The following KLF12 variants were observed in gnomAD, a reference collection of about 807,000 sequenced individuals.
KLF12 encodes Krueppel-like factor 12.
KLF12 carries 9 observed loss-of-function variants against 37.8 expected under a neutral mutation model. That is an observed-to-expected ratio of 0.24 (90% CI 0.14 to 0.42). The LOEUF (loss-of-function observed/expected upper bound fraction) is 0.42. KLF12 is among the 10% of genes least tolerant of loss of function. The pLI, the probability that KLF12 is intolerant of heterozygous loss-of-function variation, is 1.00. For synonymous variants in KLF12, 208 were observed against 202.1 expected (o/e 1.03, Z -0.25); for missense variants, 411 against 516.0 (o/e 0.80, Z 1.97).
intron 5 of KLF12, among the ~76,000 whole-genome samples, chr13:73,788,434 T>C (rs1035331161): frequency 2.0e-5 from 3 of 152,178 alleles, no homozygotes; most frequent in Non-Finnish European, 2.9e-5. Flanking sequence ...TGATGGCCTA[T>C]AGAAAACAAT....
chr13:73,899,801 A>C (rs1262200694), intron 3 of KLF12, among the ~76,000 whole-genome samples: 1 of 152,014 alleles, frequency 6.6e-6, no homozygotes, highest in Non-Finnish European at 1.5e-5. Context: ...CAAACCCCCA[A>C]ATTCCCTGGT....
chr13:73,813,001 C>T (rs1426), intron 5 of KLF12, 151 bp downstream of exon 5: 573,536 of 757,580 alleles, frequency 0.76, 218,355 homozygotes, highest in Middle Eastern at 0.78. Flanking sequence ...CCCTAATCTC[C>T]CAAAGAGCAT....
intron 1 of KLF12, among the ~76,000 whole-genome samples, chr13:74,089,744 A>AC (rs1328536542): frequency 6.6e-6 from 1 of 151,752 alleles, no homozygotes; most frequent in Admixed American, 6.6e-5. Context: ...GAAAAAAAAA[A>AC]ACATAAATCA....
the KLF12 span, among the ~76,000 whole-genome samples, chr13:74,241,705 C>T: frequency 2.0e-5 from 3 of 152,130 alleles, no homozygotes; most frequent in Non-Finnish European, 2.9e-5. Context: ...TGGGAGTGAC[C>T]CGATTTTCCA....
intron 1 of KLF12, among the ~76,000 whole-genome samples, chr13:74,119,909 C>T (rs34986014): frequency 0.016 from 2,468 of 150,612 alleles, 46 homozygotes; most frequent in Middle Eastern, 0.034. Flanking sequence ...AGTAAAACTG[C>T]TGAAAACCAA....
the KLF12 span, among the ~76,000 whole-genome samples, chr13:74,198,219 G>A: frequency 6.6e-6 from 1 of 152,154 alleles, no homozygotes; most frequent in African/African-American, 2.4e-5. Flanking sequence ...GGCGGGGAAA[G>A]AAGTGTCTCC....
chr13:74,172,955 C>G, the KLF12 span, among the ~76,000 whole-genome samples: 1 of 152,168 alleles, frequency 6.6e-6, no homozygotes, highest in Admixed American at 6.5e-5. Flanking sequence ...ACATGAAATA[C>G]GCCCGTACCT....
At chr13:74,209,976 G>A in the KLF12 span, among the ~76,000 whole-genome samples, 3 of 152,140 alleles carry the variant, frequency 2.0e-5, no homozygotes, top group African/African-American at 7.2e-5. Context: ...CTTAAAAGAT[G>A]CCCAAAGTCA....
intron 1 of KLF12, among the ~76,000 whole-genome samples, chr13:74,071,375 A>C (rs1347493734): frequency 6.6e-6 from 1 of 152,152 alleles, no homozygotes; most frequent in Non-Finnish European, 1.5e-5. Flanking sequence ...AAATTTTTTA[A>C]AACTTCATCA....
Position 73,689,395 on chromosome 13 carries a change from T to A in KLF12, c.*6095A>T, listed in dbSNP as rs1593957316. The stretch of plus-strand genomic sequence containing the variant: ...AAATTGCCCTTACCCGATGTGTGAC[T>A]CTCCATGAGTATAATTTTACTGATA... On this transcript the variant is annotated 3_prime_UTR_variant, in exon 8 of 8. Transcript: ENST00000377669. 2.6e-5 allele frequency: 4 copies of A among 152,270 alleles called. No individual in the cohort carries two copies. In the South Asian group the frequency reaches 8.3e-4, roughly 32 times the overall value. 9.4% of individuals were successfully genotyped at this position (152,270 alleles called of 1,614,324 possible). A position where few individuals can be genotyped will look rare whatever the true frequency, so the allele number is the denominator to read the frequency against.
intron 1 of KLF12, among the ~76,000 whole-genome samples, chr13:74,070,313 G>C (rs907137401): frequency 1.3e-5 from 2 of 152,208 alleles, no homozygotes; most frequent in Non-Finnish European, 1.5e-5. Context: ...GTGCTTAGCA[G>C]GTAAACGACC....
chr13:73,876,740 C>T (rs575431579), intron 3 of KLF12, among the ~76,000 whole-genome samples: 26 of 151,942 alleles, frequency 1.7e-4, no homozygotes, highest in African/African-American at 5.1e-4. Flanking sequence ...TGTGGCTGGG[C>T]GCGGTGGCTT....
At chr13:73,854,801 C>T (rs1045763004) in intron 3 of KLF12, among the ~76,000 whole-genome samples, 4 of 152,186 alleles carry the variant, frequency 2.6e-5, no homozygotes, top group African/African-American at 4.8e-5. Flanking sequence ...GTTGTCATTT[C>T]GTATGTTTTC....
intron 1 of KLF12, among the ~76,000 whole-genome samples, chr13:74,022,466 C>T (rs1892865232): frequency 6.6e-6 from 1 of 152,036 alleles, no homozygotes; most frequent in South Asian, 2.1e-4. Context: ...TCTCCCACTT[C>T]TGCCACATGG....
chr13:74,144,946 C>T, the KLF12 span, among the ~76,000 whole-genome samples: 1 of 152,092 alleles, frequency 6.6e-6, no homozygotes, highest in Admixed American at 6.6e-5. Context: ...AATTCTATAG[C>T]TTTATTACAC....
At chr13:73,700,826 C>T (rs1216781617) in intron 7 of KLF12, among the ~76,000 whole-genome samples, 2 of 152,044 alleles carry the variant, frequency 1.3e-5, no homozygotes, top group Non-Finnish European at 2.9e-5. Flanking sequence ...ATTTGAGTAG[C>T]TACTGCATTG....
the KLF12 span, among the ~76,000 whole-genome samples, chr13:74,247,647 T>A: frequency 9.9e-5 from 15 of 152,154 alleles, no homozygotes; most frequent in Admixed American, 2.0e-4. Context: ...TATTATTATT[T>A]TTTTGTAGAG....
At chr13:74,293,713 C>T in the KLF12 span, among the ~76,000 whole-genome samples, 2 of 152,128 alleles carry the variant, frequency 1.3e-5, no homozygotes, top group African/African-American at 4.8e-5. Context: ...CCTAATCATC[C>T]AGTTATAGCT....
At chr13:74,097,714 TTG>T (rs58698640) in intron 1 of KLF12, among the ~76,000 whole-genome samples, 107 of 147,012 alleles carry the variant, frequency 7.3e-4, no homozygotes, top group South Asian at 5.4e-3. Flanking sequence ...ATATATGTAT[TTG>T]TGTGTGTGTG....
Sources: allele counts gnomAD v4.1 joint callset (sites outside exome capture counted in the v4.1 genomes callset), GRCh38; gene constraint gnomAD v4.1.1; transcripts MANE v1.5; gene names NCBI Gene and HGNC (gene_info 2026-07-23, HGNC 2026-07-21).